The following KCNH8 variants were observed in gnomAD, a reference collection of about 807,000 sequenced individuals.
The protein encoded by KCNH8 is potassium voltage-gated channel subfamily H member 8.
In KCNH8, 70 loss-of-function variants were observed where a neutral mutation model predicts 103.6. The observed-to-expected ratio is 0.68, with a 90% CI of 0.56 to 0.82. KCNH8 has a LOEUF of 0.82. Ranked by LOEUF, KCNH8 falls within the 40% of genes least tolerant of loss-of-function variation. The pLI is 0.00. For synonymous variants in KCNH8, 498 were observed against 489.4 expected, an observed-to-expected ratio of 1.02 and a Z score of -0.23; for missense variants, 1,217 against 1,329.9, an observed-to-expected ratio of 0.92 and a Z score of 1.32.
At chr3:19,360,030 A>C (rs1415426561) in intron 5 of KCNH8, among the ~76,000 whole-genome samples, 2 of 152,046 alleles carry the variant, frequency 1.3e-5, no homozygotes, top group Non-Finnish European at 2.9e-5. Context: ...ATAAGAGTTA[A>C]GTGATTACTC....
chr3:19,418,667 T>C (rs1460618235), intron 7 of KCNH8, among the ~76,000 whole-genome samples: 1 of 152,204 alleles, frequency 6.6e-6, no homozygotes, highest in Non-Finnish European at 1.5e-5. Context: ...CTGAGGTGTC[T>C]GAGTATGACC....
At chr3:19,226,590 C>G (rs1475462657) in intron 1 of KCNH8, among the ~76,000 whole-genome samples, 2 of 151,446 alleles carry the variant, frequency 1.3e-5, no homozygotes, top group Admixed American at 6.6e-5. Context: ...GTCTTTCTCT[C>G]TCTCTCTCTC....
intron 7 of KCNH8, among the ~76,000 whole-genome samples, chr3:19,429,531 T>A (rs17005951): frequency 0.011 from 1,728 of 152,336 alleles, 32 homozygotes; most frequent in African/African-American, 0.039. Flanking sequence ...CTTTTGAGAC[T>A]TGGACATTTC....
At chr3:19,157,478 A>T (rs2063191836) in intron 1 of KCNH8, among the ~76,000 whole-genome samples, 1 of 152,222 alleles carries the variant, frequency 6.6e-6, no homozygotes, top group South Asian at 2.1e-4. Context: ...AGGTTTTAGG[A>T]TACATCATTA....
intron 7 of KCNH8, among the ~76,000 whole-genome samples, chr3:19,424,020 A>T (rs1466031523): frequency 6.6e-6 from 1 of 152,146 alleles, no homozygotes; most frequent in Non-Finnish European, 1.5e-5. Context: ...AATATTAGGA[A>T]AATGACCATA....
intron 1 of KCNH8, among the ~76,000 whole-genome samples, chr3:19,209,799 A>G (rs1304968342): frequency 6.6e-6 from 1 of 152,034 alleles, no homozygotes; most frequent in African/African-American, 2.4e-5. Flanking sequence ...TTCAGACAGG[A>G]TTCAGGTGCT....
In KCNH8 at chr3:19,429,236, C is replaced by T. The variant is rs145083798; in HGVS notation, c.1178-8928C>T. Among the ~76,000 whole-genome samples, 531 of 143,432 alleles carry T rather than the reference C, an allele frequency of 3.7e-3. 4 individuals are homozygous for T. The highest frequency in any genetic ancestry group is 0.013 in the African/African-American group (497 of 38,612). 94.1% of individuals were successfully genotyped at this position (143,432 alleles called of 152,430 possible). ...TCACCAAGCCTGGAGTGCAGTGGCG[C>T]GATCTCGGCTCACTGCAAGCTCCGC... On this transcript the variant is annotated intron_variant, in intron 7 of 15. Transcript: ENST00000328405.
chr3:19,212,183 T>G (rs891618313), intron 1 of KCNH8, among the ~76,000 whole-genome samples: 2 of 152,206 alleles, frequency 1.3e-5, no homozygotes, highest in African/African-American at 4.8e-5. Context: ...TTATTAAGCA[T>G]CTTAAATATA....
At chr3:19,504,683 T>C (rs953251271) in intron 11 of KCNH8, among the ~76,000 whole-genome samples, 1 of 152,132 alleles carries the variant, frequency 6.6e-6, no homozygotes, top group East Asian at 1.9e-4. Flanking sequence ...AAATAACAGA[T>C]GCTGGAAAGA....
Position 19,462,158 on chromosome 3 carries a change from A to G in KCNH8, c.2040+5176A>G, listed in dbSNP as rs1315371736. Among the ~76,000 whole-genome samples the G allele has an allele frequency of 3.3e-5, 5 of 152,198 alleles. No homozygotes were observed. The East Asian group carries it at 7.7e-4, about 23-fold the overall frequency. ...TTATAATCCTTTGGATATATACCCA[A>G]TAATGGGATCACTGGGTCAAATGGT... On this transcript the variant is annotated intron_variant, in intron 11 of 15. Transcript: ENST00000328405.
intron 3 of KCNH8, among the ~76,000 whole-genome samples, chr3:19,319,345 G>C (rs888785096): frequency 2.6e-5 from 4 of 151,914 alleles, no homozygotes; most frequent in African/African-American, 9.7e-5. Context: ...TTTTGTATAA[G>C]GTAACAGAAG....
chr3:19,148,967 T>G (rs778534795), intron 1 of KCNH8, among the ~76,000 whole-genome samples, 172 bp downstream of exon 1: 3 of 152,188 alleles, frequency 2.0e-5, no homozygotes, highest in Non-Finnish European at 4.4e-5. Flanking sequence ...TGGTGTAGTA[T>G]TAACACTTTG....
At chr3:19,240,074 C>T (rs546746565) in intron 1 of KCNH8, among the ~76,000 whole-genome samples, 14 of 152,206 alleles carry the variant, frequency 9.2e-5, no homozygotes, top group Non-Finnish European at 1.9e-4. Flanking sequence ...TTAGTATTGG[C>T]GTGGAAACAT....
intron 1 of KCNH8, among the ~76,000 whole-genome samples, chr3:19,160,628 G>A (rs1245415291): frequency 1.3e-5 from 2 of 152,070 alleles, no homozygotes; most frequent in African/African-American, 2.4e-5. Flanking sequence ...TTTCAATTAT[G>A]TTCTGTGAGC....
intron 1 of KCNH8, among the ~76,000 whole-genome samples, chr3:19,207,669 C>G (rs2063730924): frequency 6.6e-6 from 1 of 151,846 alleles, no homozygotes; most frequent in Non-Finnish European, 1.5e-5. Context: ...TATGACGTTC[C>G]TTTTCATAGC....
intron 11 of KCNH8, among the ~76,000 whole-genome samples, chr3:19,460,822 A>T (rs933901546): frequency 6.6e-6 from 1 of 152,142 alleles, no homozygotes; most frequent in Non-Finnish European, 1.5e-5. Context: ...TGTTCTTGTG[A>T]TAGTGAGTTA....
intron 3 of KCNH8, among the ~76,000 whole-genome samples, chr3:19,320,988 G>C (rs535187437): frequency 1.9e-4 from 29 of 151,924 alleles, no homozygotes; most frequent in Non-Finnish European, 3.5e-4. Flanking sequence ...ATTCATAGTA[G>C]CCTTGAATGA....
chr3:19,490,052 G>A (rs936927673), intron 11 of KCNH8, among the ~76,000 whole-genome samples: 14 of 152,192 alleles, frequency 9.2e-5, no homozygotes, highest in African/African-American at 2.7e-4. Flanking sequence ...GCTGTCCACC[G>A]CTCTGACGAG....
intron 3 of KCNH8, among the ~76,000 whole-genome samples, chr3:19,313,318 G>A (rs1195909187): frequency 6.6e-6 from 1 of 151,822 alleles, no homozygotes; most frequent in African/African-American, 2.4e-5. Flanking sequence ...AATCCCAGGA[G>A]TTACAGTTTC....
Sources: allele counts gnomAD v4.1 joint callset (sites outside exome capture counted in the v4.1 genomes callset), GRCh38; gene constraint gnomAD v4.1.1; transcripts MANE v1.5; gene names NCBI Gene and HGNC (gene_info 2026-07-23, HGNC 2026-07-21).